CDC14A: variants seen among roughly 807,000 people sequenced by gnomAD.
The protein encoded by CDC14A is cell division cycle 14A.
CDC14A carries 53 observed loss-of-function variants against 74.4 expected under a neutral mutation model. The ratio of observed to expected loss-of-function variants is 0.71; its 90% CI spans 0.57 to 0.89. The LOEUF (loss-of-function observed/expected upper bound fraction) is 0.89, where lower values mean the gene tolerates loss of function less well. Ranked by LOEUF, CDC14A falls within the 40% of genes least tolerant of loss-of-function variation. The probability of loss-of-function intolerance (pLI) is 0.00; values close to 1 mark genes in which losing one functional copy is unlikely to be tolerated. For missense variants in CDC14A, 646 were observed against 713.7 expected (o/e 0.91, Z 1.08); for synonymous variants, 247 against 258.4 (o/e 0.96, Z 0.43).
intron 2 of CDC14A, among the ~76,000 whole-genome samples, chr1:100,371,619 G>T (rs1654490436): frequency 6.6e-6 from 1 of 152,134 alleles, no homozygotes; most frequent in South Asian, 2.1e-4. Context: ...TGCATATGCT[G>T]ACCCAACCTT....
At chr1:100,377,396 A>G in intron 2 of CDC14A, 150 bp from the exon 3 acceptor site, 5 of 625,504 alleles carry the variant, frequency 8.0e-6, no homozygotes, top group African/African-American at 1.8e-5. Context: ...GGACGAAACC[A>G]TTAGTTATTT....
chr1:100,442,998 T>A lies in CDC14A; in HGVS notation c.519+2T>A. The A allele has an allele frequency of 6.4e-7, 1 of 1,567,896 alleles. No homozygotes were observed. The highest frequency in any genetic ancestry group is 8.8e-7 in the Non-Finnish European group (1 of 1,140,398). ...GTGGATGAATATGAACATTATGAGGTTTGTACATTTAATTTTTTTTACAAA... is the reference window on the plus strand; with the variant it reads ...GTGGATGAATATGAACATTATGAGGATTGTACATTTAATTTTTTTTACAAA... On this transcript the variant is annotated splice_donor_variant, in intron 7 of 15. Coordinates refer to ENST00000336454, the MANE Select transcript of CDC14A (RefSeq NM_003672.4). LOFTEE classifies it high-confidence loss of function.
At chr1:100,453,291 CA>C (rs756111675) in intron 7 of CDC14A, among the ~76,000 whole-genome samples, 4 of 152,070 alleles carry the variant, frequency 2.6e-5, no homozygotes, top group Non-Finnish European at 5.9e-5. Flanking sequence ...TCCAAATAAG[CA>C]GATATTGCAG....
chr1:100,499,251 C>T lies in CDC14A; in HGVS notation c.1744C>T (p.Arg582Cys), dbSNP rs775050058. 1.9e-5 allele frequency: 31 copies of T among 1,614,068 alleles called. No homozygotes were observed. The highest frequency in any genetic ancestry group is 1.2e-4 in the South Asian group (11 of 91,086). Residue 582 changes from arginine (R) to cysteine (C), a missense_variant, in exon 15 of 16, where the codon CGT becomes TGT. Arg to Cys is a radical substitution (Grantham distance 180). Coordinates refer to ENST00000336454, the MANE Select transcript of CDC14A (RefSeq NM_003672.4). ...TTCTTCTTCAGCGAGATTCCTGAGC[C>T]GTTCTATCCCTGTAAGTGCGCAGAC... ...LSSSSARFLSRSIPSLQSEYV... is the reference protein window; with the variant it reads ...LSSSSARFLSCSIPSLQSEYV...
chr1:100,453,973 AT>A (rs1666406065), intron 7 of CDC14A, among the ~76,000 whole-genome samples: 1 of 152,204 alleles, frequency 6.6e-6, no homozygotes, highest in Non-Finnish European at 1.5e-5. Context: ...ACTAGATTAA[AT>A]GCAGTTCAGA....
At chr1:100,486,768 GA>G (rs1349592480) in intron 11 of CDC14A, among the ~76,000 whole-genome samples, 1 of 152,180 alleles carries the variant, frequency 6.6e-6, no homozygotes, top group East Asian at 1.9e-4. Flanking sequence ...AGAAATGAAA[GA>G]ATTCAGAGAT....
At chr1:100,505,701 T>A (rs1387026235) in intron 15 of CDC14A, among the ~76,000 whole-genome samples, 1 of 152,220 alleles carries the variant, frequency 6.6e-6, no homozygotes, top group Non-Finnish European at 1.5e-5. Flanking sequence ...CTGTTCTCCA[T>A]TTTAAAAATT....
chr1:100,447,516 C>T (rs1665694344), intron 7 of CDC14A, among the ~76,000 whole-genome samples: 1 of 152,236 alleles, frequency 6.6e-6, no homozygotes, highest in Admixed American at 6.5e-5. Flanking sequence ...ATTTGTACTT[C>T]TCCAACAGCT....
At position 100,495,917 on chromosome 1, in the gene CDC14A, G is replaced by A. The variant is rs1647711854; in HGVS notation, c.1251-85G>A. 6 of 1,115,592 alleles carry A rather than the reference G, an allele frequency of 5.4e-6. No homozygotes were observed. In the South Asian group the frequency reaches 7.6e-5, roughly 14 times the overall value. The allele number at this position is 1,115,592 out of a possible 1,614,324, so 69.1% of individuals were successfully genotyped here. On this transcript the variant is annotated intron_variant, in intron 12 of 15. Transcript: ENST00000336454. ...TTTTGCTAATTTAATATTTTTACTG[G>A]TTTGATACCATTTGATGTGCCTTGT...
At chr1:100,512,636 G>A (rs1327644534) in intron 15 of CDC14A, among the ~76,000 whole-genome samples, 1 of 152,096 alleles carries the variant, frequency 6.6e-6, no homozygotes, top group African/African-American at 2.4e-5. Context: ...TGTGATTGTT[G>A]AAAAGCATAT....
chr1:100,491,386 G>T (rs961234931), intron 11 of CDC14A, among the ~76,000 whole-genome samples: 3 of 150,890 alleles, frequency 2.0e-5, no homozygotes, highest in Non-Finnish European at 3.0e-5. Flanking sequence ...TAAATATATA[G>T]GTGGTTTTAA....
intron 1 of CDC14A, among the ~76,000 whole-genome samples, chr1:100,345,762 G>A (rs1650357072): frequency 1.3e-5 from 2 of 152,220 alleles, no homozygotes; most frequent in South Asian, 4.1e-4. Flanking sequence ...GAACTGAGAT[G>A]TAAATTGCTG....
Position 100,365,527 on chromosome 1 carries a change from G to T in CDC14A, c.140+11675G>T, listed in dbSNP as rs553633337. 2.6e-5 allele frequency among the ~76,000 whole-genome samples: 4 copies of T among 152,334 alleles called. No homozygotes were observed. The South Asian group carries it at 6.2e-4, about 24-fold the overall frequency. The stretch of plus-strand genomic sequence containing the variant: ...GTGGCTTCATTTGATAGATGAGGAC[G>T]TGGAGTCCCAGAGAGGCTACGACAC... On this transcript the variant is annotated intron_variant, in intron 2 of 15. Coordinates refer to ENST00000336454, the MANE Select transcript of CDC14A (RefSeq NM_003672.4).
At chr1:100,513,945 C>T (rs1434713873) in intron 15 of CDC14A, among the ~76,000 whole-genome samples, 4 of 152,022 alleles carry the variant, frequency 2.6e-5, no homozygotes, top group Admixed American at 6.6e-5. Flanking sequence ...CAATTTTATC[C>T]TTATTTTTCA....
rs1652358625 is a variant in CDC14A, at chr1:100,359,296, A to G, written c.140+5444A>G. 2.0e-5 allele frequency among the ~76,000 whole-genome samples: 3 copies of G among 152,338 alleles called. No individual in the cohort carries two copies. In the South Asian group the frequency reaches 6.2e-4, roughly 32 times the overall value. On this transcript the variant is annotated intron_variant, in intron 2 of 15. Coordinates refer to ENST00000336454, the MANE Select transcript of CDC14A (RefSeq NM_003672.4). ...TGTTATTATCACTACTTAACAAAGG[A>G]GGAAGTAGAGGTCCAGAGAGGGAAG...
rs139731867 is a variant in CDC14A at position 100,481,963 on chromosome 1, G to A, written c.978-2329G>A. Among the ~76,000 whole-genome samples the A allele has an allele frequency of 2.3e-4, 35 of 152,316 alleles. No homozygotes were observed. In the East Asian group the frequency reaches 6.6e-3, roughly 29 times the overall value. On this transcript the variant is annotated intron_variant, in intron 10 of 15. Transcript: ENST00000336454. Reference sequence around the variant, plus strand: ...TTGCATTTTCAATAAAAAGGAATTTGCGTGAAGTGCTGCTTTTTCTCAAGA... The same window carrying A: ...TTGCATTTTCAATAAAAAGGAATTTACGTGAAGTGCTGCTTTTTCTCAAGA...
intron 4 of CDC14A, among the ~76,000 whole-genome samples, chr1:100,404,992 G>A (rs1009173242): frequency 1.3e-5 from 2 of 152,176 alleles, no homozygotes; most frequent in African/African-American, 4.8e-5. Context: ...AAATTAATGA[G>A]CAGACAGACA....
chr1:100,445,948 T>C (rs529556940), intron 7 of CDC14A, among the ~76,000 whole-genome samples: 12 of 152,260 alleles, frequency 7.9e-5, no homozygotes, highest in Non-Finnish European at 1.6e-4. Flanking sequence ...TCTTAATTTC[T>C]TAAATGTTTA....
At chr1:100,353,893 C>A in intron 2 of CDC14A, 41 bp downstream of exon 2, 1 of 1,185,054 alleles carries the variant, frequency 8.4e-7, no homozygotes, top group Non-Finnish European at 1.2e-6. Flanking sequence ...GGCCATTCAG[C>A]TTGTTCTTTG....
Sources: allele counts gnomAD v4.1 joint callset (sites outside exome capture counted in the v4.1 genomes callset), GRCh38; gene constraint gnomAD v4.1.1; transcripts MANE v1.5; gene names NCBI Gene and HGNC (gene_info 2026-07-23, HGNC 2026-07-21).